The following ECPAS variants were observed in gnomAD, a reference collection of about 807,000 sequenced individuals.
ECPAS encodes the protein Ecm29 proteasome adaptor and scaffold.
A neutral mutation model predicts 255.1 loss-of-function variants in ECPAS; 70 were observed. The observed-to-expected ratio is 0.27, with a 90% CI of 0.23 to 0.33. ECPAS has a LOEUF of 0.33. Ranked by LOEUF, ECPAS falls within the 10% of genes least tolerant of loss-of-function variation. The probability of loss-of-function intolerance (pLI) is 1.00; values close to 1 mark genes in which losing one functional copy is unlikely to be tolerated. For synonymous variants in ECPAS, 784 were observed against 775.0 expected (o/e 1.01, Z -0.19); for missense variants, 1,817 against 2,206.4 (o/e 0.82, Z 3.54).
chr9:111,408,722 T>C (rs756485897), intron 23 of ECPAS, 50 bp from the exon 24 acceptor site: 2 of 1,120,964 alleles, frequency 1.8e-6, no homozygotes, highest in Non-Finnish European at 2.5e-6. Context: ...ATAATAGCTT[T>C]ACCCCAGTGC....
chr9:111,475,707 G>A (rs2098295342), intron 1 of ECPAS, among the ~76,000 whole-genome samples: 1 of 150,964 alleles, frequency 6.6e-6, no homozygotes, highest in Non-Finnish European at 1.5e-5. Context: ...CTGTACTCCA[G>A]CCTGAGTGAC....
At chr9:111,399,145 G>T (rs1200437464) in intron 24 of ECPAS, among the ~76,000 whole-genome samples, 1 of 152,008 alleles carries the variant, frequency 6.6e-6, no homozygotes, top group East Asian at 1.9e-4. Context: ...AACACCTCAT[G>T]TACCCCATAA....
intron 38 of ECPAS, 53 bp downstream of exon 38, chr9:111,375,060 T>C (rs2098131816): frequency 2.3e-6 from 3 of 1,317,346 alleles, no homozygotes; most frequent in African/African-American, 2.9e-5. Context: ...GTTATATCCT[T>C]ATGGCCAGAA....
At chr9:111,418,240 A>G (rs866902825) in intron 16 of ECPAS, among the ~76,000 whole-genome samples, 11 of 152,216 alleles carry the variant, frequency 7.2e-5, no homozygotes, top group African/African-American at 2.7e-4. Flanking sequence ...TTTGACTCAC[A>G]TTAAAAAACA....
At chr9:111,371,953 A>T (rs1199355764) in intron 42 of ECPAS, 124 bp from the exon 43 acceptor site, 3 of 694,826 alleles carry the variant, frequency 4.3e-6, no homozygotes, top group South Asian at 1.9e-5. Context: ...AAAACACACC[A>T]CTCTCTCAAA....
At chr9:111,381,552 C>T (rs2098140541) in intron 35 of ECPAS, among the ~76,000 whole-genome samples, 1 of 152,218 alleles carries the variant, frequency 6.6e-6, no homozygotes, top group South Asian at 2.1e-4. Context: ...AATCTAACTG[C>T]ACCATTTTTC....
intron 3 of ECPAS, among the ~76,000 whole-genome samples, chr9:111,445,885 T>C (rs2131929992): frequency 6.6e-6 from 1 of 152,214 alleles, no homozygotes; most frequent in Non-Finnish European, 1.5e-5. Flanking sequence ...TGTCCACGTG[T>C]TCTCACTGTT....
intron 13 of ECPAS, among the ~76,000 whole-genome samples, chr9:111,422,762 GAATGAGGA>G (rs1377757299): frequency 2.0e-5 from 3 of 152,050 alleles, no homozygotes; most frequent in East Asian, 3.9e-4. Flanking sequence ...GGAGGAACTG[GAATGAGGA>G]AATCACATTG....
intron 23 of ECPAS, among the ~76,000 whole-genome samples, chr9:111,409,438 T>A (rs906758075): frequency 6.6e-6 from 1 of 152,064 alleles, no homozygotes; most frequent in Non-Finnish European, 1.5e-5. Context: ...CGTGCGCCTG[T>A]AATCTCAGCT....
At chr9:111,446,836 T>C (rs2098253693) in intron 3 of ECPAS, among the ~76,000 whole-genome samples, 1 of 152,190 alleles carries the variant, frequency 6.6e-6, no homozygotes, top group South Asian at 2.1e-4. Flanking sequence ...ACACTGATAT[T>C]TGAACTCACA....
At chr9:111,454,315 G>A (rs1488611403) in intron 2 of ECPAS, among the ~76,000 whole-genome samples, 1 of 148,432 alleles carries the variant, frequency 6.7e-6, no homozygotes, top group Non-Finnish European at 1.5e-5. Flanking sequence ...GGAGATGGGG[G>A]GGTGGGGTGC....
At chr9:111,385,940 GC>G (rs2098147642) in intron 32 of ECPAS, among the ~76,000 whole-genome samples, 1 of 152,158 alleles carries the variant, frequency 6.6e-6, no homozygotes, top group African/African-American at 2.4e-5. Context: ...CAAGAAATAT[GC>G]TTTTTGGTAG....
Position 111,389,677 on chromosome 9 carries a change from T to G in ECPAS, c.3326A>C (p.Gln1109Pro), listed in dbSNP as rs773875468. ...FNVIATRAGE[Q>P]LAPFLPQLVP... ...TAGCTGAGGCAGAAAAGGAGCCAGC[T>G]GCTCTCCAGCTCTGGTAGCAATTAC... is the stretch of plus-strand genomic sequence containing the variant. The change falls in exon 31 of 50, where the codon CAG becomes CCG. Residue 1109 changes from glutamine to proline, a missense_variant. Physicochemically the swap from Gln to Pro is moderately conservative, Grantham distance 76. Around this residue, in one of 4 missense-constraint regions of ECPAS, gnomAD observed 960 missense variants for 1,179.0 expected, o/e 0.81. Transcript: ENST00000684092. The G allele has an allele frequency of 6.2e-7, 1 of 1,613,932 alleles. No individual in the cohort carries two copies. The highest frequency in any genetic ancestry group is 1.7e-5 in the Admixed American group (1 of 60,022).
chr9:111,437,207 A>G (rs1193426018), intron 6 of ECPAS, 99 bp from the exon 7 acceptor site: 1 of 958,306 alleles, frequency 1.0e-6, no homozygotes, highest in East Asian at 3.0e-5. Flanking sequence ...CTCCTACTGT[A>G]TTTTACTAGA....
At chr9:111,456,734 C>T (rs1589222793) in intron 2 of ECPAS, among the ~76,000 whole-genome samples, 2 of 152,300 alleles carry the variant, frequency 1.3e-5, no homozygotes, top group East Asian at 3.9e-4. Flanking sequence ...CAGCACCCTC[C>T]CAGTTTCACA....
chr9:111,483,869 C>G (rs1013753721), intron 1 of ECPAS: 5 of 461,982 alleles, frequency 1.1e-5, no homozygotes, highest in East Asian at 1.6e-4. Flanking sequence ...GCCGCGCTCG[C>G]CCAACTCACG....
chr9:111,419,845 T>C (rs751138246), intron 16 of ECPAS, among the ~76,000 whole-genome samples, 172 bp downstream of exon 16: 1 of 150,370 alleles, frequency 6.7e-6, no homozygotes, highest in Non-Finnish European at 1.5e-5. Flanking sequence ...TATATTACTA[T>C]ATAAATATAT....
chr9:111,374,205 G>C (rs759128582), intron 38 of ECPAS, among the ~76,000 whole-genome samples, 167 bp from the exon 39 acceptor site: 2 of 152,122 alleles, frequency 1.3e-5, no homozygotes, highest in Non-Finnish European at 2.9e-5. Context: ...GTAATGCAGC[G>C]ATTTTTTTTA....
chr9:111,384,166 T>G (rs1048843462), intron 34 of ECPAS, among the ~76,000 whole-genome samples: 1 of 152,198 alleles, frequency 6.6e-6, no homozygotes, highest in African/African-American at 2.4e-5. Context: ...GGAGATAATT[T>G]AGTTTCAAAA....
Sources: gnomAD v4.1 joint callset for allele counts (sites outside exome capture counted in the v4.1 genomes callset) on GRCh38, gnomAD v4.1.1 for gene constraint, gnomAD v4.1.1 regional missense constraint, MANE v1.5 for transcripts, NCBI Gene and HGNC (gene_info 2026-07-23, HGNC 2026-07-21) for gene names.